The following SLIT1 variants were observed in gnomAD, a reference collection of about 807,000 sequenced individuals.
The protein encoded by SLIT1 is slit homolog 1 protein.
Under a neutral mutation model 186.1 loss-of-function variants are expected in SLIT1, and 66 were observed. That is an observed-to-expected ratio of 0.35 (90% confidence interval 0.29 to 0.44). The LOEUF is 0.44. Among genes scored for constraint, SLIT1 ranks in the 20% least tolerant of loss-of-function variants. SLIT1 has a pLI of 1.00. For missense variants in SLIT1, 1,638 were observed against 2,037.4 expected, an observed-to-expected ratio of 0.80 and a Z score of 3.77; for synonymous variants, 761 against 833.8, an observed-to-expected ratio of 0.91 and a Z score of 1.50.
At chr10:97,145,141 C>CTAT (rs1458545847) in intron 4 of SLIT1, among the ~76,000 whole-genome samples, 7 of 151,748 alleles carry the variant, frequency 4.6e-5, no homozygotes, top group East Asian at 3.9e-4. Context: ...GTTATTATTA[C>CTAT]TATTATTATT....
chr10:97,127,264 C>T (rs1484370180), intron 4 of SLIT1, among the ~76,000 whole-genome samples: 2 of 149,872 alleles, frequency 1.3e-5, no homozygotes, highest in African/African-American at 2.5e-5. Flanking sequence ...CCAGCCTGGG[C>T]GACAGAGCGA....
intron 4 of SLIT1, among the ~76,000 whole-genome samples, chr10:97,087,590 C>T (rs1014074203): frequency 3.9e-5 from 6 of 152,218 alleles, no homozygotes; most frequent in Non-Finnish European, 7.3e-5. Flanking sequence ...GCCAGCACAG[C>T]CATGCCATGA....
At chr10:97,020,953 C>T (rs1220042882) in intron 26 of SLIT1, among the ~76,000 whole-genome samples, 2 of 152,264 alleles carry the variant, frequency 1.3e-5, no homozygotes. Flanking sequence ...GAGGTCTGAG[C>T]GCATGCTCTG....
chr10:97,051,225 C>G (rs1442357312), intron 13 of SLIT1, among the ~76,000 whole-genome samples: 2 of 150,572 alleles, frequency 1.3e-5, no homozygotes, highest in African/African-American at 2.4e-5. Context: ...AATGAGATAC[C>G]ACTTCACACC....
rs1476433972 is a variant in SLIT1, at chr10:97,021,180, AG to A, written c.2746+69del. ...GTCACCACAGGGACGCAGGCATGTT[AG>A]GAAGGCCCTGCAGTGTTGGGCAAGT... is the stretch of plus-strand genomic sequence containing the variant. On this transcript the variant is annotated intron_variant, in intron 26 of 36. Coordinates refer to ENST00000266058, the MANE Select transcript of SLIT1 (RefSeq NM_003061.3). This position sits in a 1 kb window ranked among gnomAD's most constrained non-coding sequence, Gnocchi z 4.5. 5.9e-5 allele frequency: 87 copies of A among 1,479,400 alleles called. No individual in the cohort carries two copies. The highest frequency in any genetic ancestry group is 7.7e-5 in the Non-Finnish European group (84 of 1,084,620). The allele number at this position is 1,479,400 out of a possible 1,614,324, so 91.6% of individuals were successfully genotyped here.
At chr10:97,182,606 T>C (rs1443047113) in intron 1 of SLIT1, among the ~76,000 whole-genome samples, 1 of 152,200 alleles carries the variant, frequency 6.6e-6, no homozygotes, top group Non-Finnish European at 1.5e-5. Context: ...TCAGACCTGC[T>C]CCACTTCCCC....
chr10:97,169,776 ATCTCATTTCAC>A (rs1435344996), intron 1 of SLIT1, among the ~76,000 whole-genome samples: 6 of 152,216 alleles, frequency 3.9e-5, no homozygotes, highest in South Asian at 2.1e-4. Context: ...AGCATGCTTC[ATCTCATTTCAC>A]TCTCATTTCA....
chr10:97,165,637 C>T (rs1377075856), intron 1 of SLIT1, among the ~76,000 whole-genome samples: 1 of 152,108 alleles, frequency 6.6e-6, no homozygotes, highest in Non-Finnish European at 1.5e-5. Flanking sequence ...AGGCCCAGAT[C>T]ACAGAAGGCC....
rs1454596704 is a variant in SLIT1 at position 97,006,544 on chromosome 10, C to T, written c.3518G>A (p.Arg1173Gln). Reference sequence around the variant, plus strand: ...GTCAGTGAACTGCAGGTAAGTGTCCCGATCCACAAAGTTGACACTGAGCAA... The same window carrying T: ...GTCAGTGAACTGCAGGTAAGTGTCCTGATCCACAAAGTTGACACTGAGCAA... ...EKLLSVNFVD[R>Q]DTYLQFTDLQ... The change falls in exon 32 of 37, where the codon CGG becomes CAG. Residue 1173 changes from arginine (R) to glutamine (Q), a missense_variant. Physicochemically the swap from Arg to Gln is conservative, Grantham distance 43 (BLOSUM62 1). Coordinates refer to ENST00000266058, the MANE Select transcript of SLIT1 (RefSeq NM_003061.3). The surrounding 1 kb of genome is among the most constrained non-coding windows in gnomAD (Gnocchi z 4.0). 5 of 1,614,090 alleles carry T rather than the reference C, an allele frequency of 3.1e-6. No homozygotes were observed. The highest frequency in any genetic ancestry group is 2.2e-5 in the East Asian group (1 of 44,880).
At chr10:97,102,651 T>C (rs1849371250) in intron 4 of SLIT1, 2 of 152,512 alleles carry the variant, frequency 1.3e-5, no homozygotes, top group African/African-American at 4.8e-5. Flanking sequence ...GAGGCCTGGC[T>C]CAGCAGCAGC....
chr10:97,026,619 A>T (rs1374366239), intron 25 of SLIT1, among the ~76,000 whole-genome samples: 1 of 152,190 alleles, frequency 6.6e-6, no homozygotes, highest in Non-Finnish European at 1.5e-5. Flanking sequence ...TTGGACATCT[A>T]GCTTTCCAGC....
At chr10:97,031,374 A>G (rs1032402898) in intron 24 of SLIT1, among the ~76,000 whole-genome samples, 1 of 152,154 alleles carries the variant, frequency 6.6e-6, no homozygotes, top group African/African-American at 2.4e-5. Flanking sequence ...CGCCCCTACC[A>G]CCACAAACTC....
Position 97,038,424 on chromosome 10 carries a change from TC to T in SLIT1, c.2298-659del, listed in dbSNP as rs542739456. ...CTGTCTGTTCTCTGCACCTTGGACC[TC>T]CCTTCTGGCCTCCACTCTACTCACT... On this transcript the variant is annotated intron_variant, in intron 21 of 36. Transcript: ENST00000266058. Among the ~76,000 whole-genome samples the T allele has an allele frequency of 2.2e-4, 34 of 152,264 alleles. No homozygotes were observed. The South Asian group carries it at 3.1e-3, about 14-fold the overall frequency.
intron 4 of SLIT1, among the ~76,000 whole-genome samples, chr10:97,138,744 G>A (rs540049776): frequency 6.0e-4 from 92 of 152,300 alleles, no homozygotes; most frequent in South Asian, 4.3e-3. Flanking sequence ...AGAGGAAGAT[G>A]AGGAAGGCGA....
chr10:97,169,316 C>G (rs115059565), intron 1 of SLIT1, among the ~76,000 whole-genome samples: 1 of 152,294 alleles, frequency 6.6e-6, no homozygotes, highest in East Asian at 1.9e-4. Context: ...ACTAAGCTCC[C>G]GGGTCTGAGG....
chr10:97,167,988 T>C (rs1169995584), intron 1 of SLIT1, among the ~76,000 whole-genome samples: 1 of 152,234 alleles, frequency 6.6e-6, no homozygotes, highest in Non-Finnish European at 1.5e-5. Context: ...GTCTCGGGTA[T>C]GTCTTCATTA....
chr10:97,101,787 T>C (rs1322993300), intron 4 of SLIT1, among the ~76,000 whole-genome samples: 1 of 152,228 alleles, frequency 6.6e-6, no homozygotes, highest in Admixed American at 6.5e-5. Context: ...TGAGTTTGCA[T>C]GTCTGGTGTG....
At chr10:97,039,465 A>G (rs1338323526) in intron 21 of SLIT1, among the ~76,000 whole-genome samples, 1 of 152,226 alleles carries the variant, frequency 6.6e-6, no homozygotes, top group Non-Finnish European at 1.5e-5. Context: ...TTGGAAGACC[A>G]TCAGGCAAAA....
chr10:97,095,051 G>A (rs1849272908), intron 4 of SLIT1, among the ~76,000 whole-genome samples: 1 of 152,202 alleles, frequency 6.6e-6, no homozygotes, highest in Non-Finnish European at 1.5e-5. Context: ...GAGAGGCCGA[G>A]GCAGGTGGAT....
Sources: gnomAD v4.1 joint callset for allele counts (sites outside exome capture counted in the v4.1 genomes callset) on GRCh38, gnomAD v4.1.1 for gene constraint, Gnocchi (gnomAD v3.1) non-coding constraint, MANE v1.5 for transcripts, NCBI Gene and HGNC (gene_info 2026-07-23, HGNC 2026-07-21) for gene names.